TIGAR: variants seen among roughly 807,000 people sequenced by gnomAD.
The protein encoded by TIGAR is TP53 induced glycolysis regulatory phosphatase.
Under a neutral mutation model 17.9 loss-of-function variants are expected in TIGAR, and 7 were observed. The ratio of observed to expected loss-of-function variants is 0.39; its 90% confidence interval spans 0.22 to 0.73. TIGAR has a LOEUF of 0.73. Ranked by LOEUF, TIGAR falls within the 30% of genes least tolerant of loss-of-function variation. The pLI is 0.42. For synonymous variants in TIGAR, 94 were observed against 108.6 expected, an observed-to-expected ratio of 0.87 and a Z score of 0.84; for missense variants, 258 against 327.4, an observed-to-expected ratio of 0.79 and a Z score of 1.64.
At chr12:4,330,459 G>T (rs533776434) in intron 1 of TIGAR, among the ~76,000 whole-genome samples, 17 of 152,302 alleles carry the variant, frequency 1.1e-4, no homozygotes, top group African/African-American at 4.1e-4. Flanking sequence ...TCTAGTGGTA[G>T]GTTGGGTCAG....
At chr12:4,329,328 CTTTTTTT>C (rs34584528) in intron 1 of TIGAR, among the ~76,000 whole-genome samples, 19 of 73,238 alleles carry the variant, frequency 2.6e-4, no homozygotes, top group Non-Finnish European at 4.1e-4. Context: ...AGCTAATGAT[CTTTTTTT>C]TTTTTTTTTT....
chr12:4,339,611 A>C (rs1864698290), intron 3 of TIGAR, among the ~76,000 whole-genome samples: 1 of 152,230 alleles, frequency 6.6e-6, no homozygotes, highest in Non-Finnish European at 1.5e-5. Flanking sequence ...ACTACAGGCC[A>C]GTATTCCTGA....
At chr12:4,339,655 T>A (rs187511453) in intron 3 of TIGAR, among the ~76,000 whole-genome samples, 1 of 152,288 alleles carries the variant, frequency 6.6e-6, no homozygotes, top group East Asian at 1.9e-4. Context: ...AACAAAATAC[T>A]AGCAAACCAA....
intron 1 of TIGAR, 54 bp from the exon 2 acceptor site, chr12:4,331,226 T>C: frequency 2.0e-6 from 3 of 1,511,014 alleles, no homozygotes; most frequent in Non-Finnish European, 2.8e-6. Flanking sequence ...TTTTTCCTCC[T>C]CTCAAAAACA....
chr12:4,332,530 C>A (rs1272242608), intron 2 of TIGAR, among the ~76,000 whole-genome samples: 1 of 152,122 alleles, frequency 6.6e-6, no homozygotes, highest in Admixed American at 6.5e-5. Context: ...AGGCCTGAGC[C>A]GCCGCACGCG....
intron 1 of TIGAR, chr12:4,324,389 A>G: frequency 8.6e-7 from 1 of 1,160,444 alleles, no homozygotes; most frequent in South Asian, 1.2e-5. Flanking sequence ...AGGGGGATGA[A>G]GCGGGAGGAG....
Position 4,321,381 on chromosome 12 carries a change from C to T in TIGAR, c.32+78C>T, listed in dbSNP as rs10774222. ...GGAGCGGGTGAAGGGAAAACGGGTC[C>T]ACCACCCTCTCCCCTCCCTGCTCGC... On this transcript the variant is annotated intron_variant, in intron 1 of 5. Coordinates refer to ENST00000179259, the MANE Select transcript of TIGAR (RefSeq NM_020375.3). This position sits in a 1 kb window ranked among gnomAD's most constrained non-coding sequence, Gnocchi z 5.2. The T allele has an allele frequency of 0.85, 1,334,061 of 1,578,756 alleles. 565,090 individuals carry two copies. Among genetic ancestry groups the T allele is most frequent in the East Asian group, 0.97 (42,240 of 43,398 alleles).
rs1864924957 is a variant in TIGAR, at chr12:4,357,925, AACCTCG to A, written c.*5235_*5240del. Among the ~76,000 whole-genome samples, 4 of 150,786 alleles carry A rather than the reference AACCTCG, an allele frequency of 2.7e-5. No individual in the cohort carries two copies. The highest frequency in any genetic ancestry group is 9.8e-5 in the African/African-American group (4 of 40,892). On this transcript the variant is annotated 3_prime_UTR_variant, in exon 6 of 6. Coordinates refer to ENST00000179259, the MANE Select transcript of TIGAR (RefSeq NM_020375.3). ...GAGACCATCCTGGCTAACACAGTGA[AACCTCG>A]TCTCCACTGAAAAATAGAAAAAATT... is the stretch of plus-strand genomic sequence containing the variant.
At chr12:4,345,297 C>G (rs1864767673) in intron 3 of TIGAR, among the ~76,000 whole-genome samples, 1 of 152,138 alleles carries the variant, frequency 6.6e-6, no homozygotes. Context: ...GCCCACATTG[C>G]CAAGTCAATC....
intron 1 of TIGAR, among the ~76,000 whole-genome samples, chr12:4,330,597 G>A (rs910972373): frequency 6.6e-6 from 1 of 152,052 alleles, no homozygotes; most frequent in Admixed American, 6.6e-5. Context: ...TGCACTTCCC[G>A]CCCTTTTCCC....
rs1864880583 is a variant in TIGAR, at chr12:4,354,822, C to A, written c.*2131C>A. Among the ~76,000 whole-genome samples, 1 of 149,182 alleles carries A rather than the reference C, an allele frequency of 6.7e-6. No individual in the cohort carries two copies. Among genetic ancestry groups the A allele is most frequent in the Non-Finnish European group, 1.5e-5 (1 of 67,556 alleles). On this transcript the variant is annotated 3_prime_UTR_variant, in exon 6 of 6. Transcript: ENST00000179259. ...TCTTGGCTCACTGCAACCTCCACCTCTCGGGTTCAAGCAATTCTTGTGCCT... is the reference window on the plus strand; with the variant it reads ...TCTTGGCTCACTGCAACCTCCACCTATCGGGTTCAAGCAATTCTTGTGCCT...
intron 2 of TIGAR, among the ~76,000 whole-genome samples, chr12:4,333,880 G>T (rs577097138): frequency 2.6e-5 from 4 of 152,204 alleles, no homozygotes; most frequent in Non-Finnish European, 4.4e-5. Flanking sequence ...GATTACAGGC[G>T]TGAGCCACCA....
At chr12:4,334,699 C>G (rs1042713728) in intron 2 of TIGAR, among the ~76,000 whole-genome samples, 38 of 152,092 alleles carry the variant, frequency 2.5e-4, no homozygotes, top group African/African-American at 8.5e-4. Flanking sequence ...TTGAAAAGTC[C>G]TCTAGTGTGT....
intron 1 of TIGAR, among the ~76,000 whole-genome samples, chr12:4,322,815 C>T (rs1419577694): frequency 2.0e-5 from 3 of 152,074 alleles, no homozygotes; most frequent in African/African-American, 7.2e-5. Context: ...TCTCCCACCC[C>T]TCTCGGTTGT....
At chr12:4,338,874 G>A (rs1864688037) in intron 3 of TIGAR, among the ~76,000 whole-genome samples, 1 of 150,664 alleles carries the variant, frequency 6.6e-6, no homozygotes, top group African/African-American at 2.4e-5. Flanking sequence ...TACTTAGCAG[G>A]CTGAGGCATG....
At chr12:4,326,429 T>C (rs1379074033) in intron 1 of TIGAR, among the ~76,000 whole-genome samples, 6 of 152,254 alleles carry the variant, frequency 3.9e-5, no homozygotes, top group African/African-American at 1.4e-4. Flanking sequence ...TGATAAAAGC[T>C]GTACAACTAA....
chr12:4,334,503 T>C (rs1008327866), intron 2 of TIGAR, among the ~76,000 whole-genome samples: 1 of 152,230 alleles, frequency 6.6e-6, no homozygotes, highest in Non-Finnish European at 1.5e-5. Context: ...AAGTATAATA[T>C]TAATATCCCC....
At chr12:4,331,882 A>G (rs1275770535) in intron 2 of TIGAR, among the ~76,000 whole-genome samples, 4 of 152,210 alleles carry the variant, frequency 2.6e-5, no homozygotes, top group African/African-American at 7.2e-5. Context: ...TAGACATGCT[A>G]TTTCTGTGCT....
intron 3 of TIGAR, among the ~76,000 whole-genome samples, chr12:4,349,423 G>T (rs538971380): frequency 2.8e-5 from 4 of 143,556 alleles, no homozygotes; most frequent in Middle Eastern, 3.6e-3. Flanking sequence ...TTCTAGTTTT[G>T]TTTTTTTTTT....
Sources: allele counts gnomAD v4.1 joint callset (sites outside exome capture counted in the v4.1 genomes callset), GRCh38; gene constraint gnomAD v4.1.1; non-coding constraint Gnocchi (gnomAD v3.1); transcripts MANE v1.5; gene names NCBI Gene and HGNC (gene_info 2026-07-23, HGNC 2026-07-21).